DNAJC15: variants seen among roughly 807,000 people sequenced by gnomAD.
DNAJC15 encodes the protein DnaJ heat shock protein family (Hsp40) member C15.
Under a neutral mutation model 22.4 loss-of-function variants are expected in DNAJC15, and 27 were observed. The observed-to-expected ratio is 1.20, with a 90% CI of 0.89 to 1.66. The LOEUF (loss-of-function observed/expected upper bound fraction) is 1.66, where lower values mean the gene tolerates loss of function less well. Among genes scored for constraint, DNAJC15 ranks in the 40% most tolerant of loss-of-function variants. DNAJC15 has a pLI of 0.00. For missense variants in DNAJC15, 208 were observed against 187.1 expected (o/e 1.11, Z -0.65); for synonymous variants, 79 against 63.2 (o/e 1.25, Z -1.19).
chr13:43,024,985 C>A (rs1049622410), intron 1 of DNAJC15, among the ~76,000 whole-genome samples: 1 of 150,432 alleles, frequency 6.6e-6, no homozygotes, highest in African/African-American at 2.4e-5. Flanking sequence ...CACTTGAGCC[C>A]AGGAGTTGAG....
At chr13:43,042,523 G>T (rs1366409564) in intron 1 of DNAJC15, among the ~76,000 whole-genome samples, 3 of 152,146 alleles carry the variant, frequency 2.0e-5, no homozygotes, top group African/African-American at 7.2e-5. Flanking sequence ...AACTAGGATG[G>T]GGGGATATGA....
At chr13:43,043,415 G>C (rs528877396) in intron 1 of DNAJC15, among the ~76,000 whole-genome samples, 60 of 152,198 alleles carry the variant, frequency 3.9e-4, no homozygotes, top group Non-Finnish European at 7.1e-4. Context: ...GACCTCAAAA[G>C]CTTCTTATAT....
intron 1 of DNAJC15, among the ~76,000 whole-genome samples, chr13:43,063,925 C>T (rs551352470): frequency 1.3e-5 from 2 of 152,302 alleles, no homozygotes; most frequent in East Asian, 1.9e-4. Flanking sequence ...ACCAGGGAAG[C>T]GCTAGAAAAT....
At chr13:43,104,083 A>G (rs1016243792) in intron 5 of DNAJC15, among the ~76,000 whole-genome samples, 7 of 152,216 alleles carry the variant, frequency 4.6e-5, no homozygotes, top group Admixed American at 4.6e-4. Flanking sequence ...AAATGCACCC[A>G]TTTAAACGCA....
chr13:43,104,681 T>C (rs984371838), intron 5 of DNAJC15, among the ~76,000 whole-genome samples: 1 of 145,236 alleles, frequency 6.9e-6, no homozygotes, highest in African/African-American at 2.5e-5. Flanking sequence ...TCTTTTTCTT[T>C]TCTTTTCTTT....
intron 1 of DNAJC15, among the ~76,000 whole-genome samples, chr13:43,063,297 A>G (rs2040568062): frequency 6.6e-6 from 1 of 152,270 alleles, no homozygotes; most frequent in African/African-American, 2.4e-5. Context: ...GGCGTGAGCC[A>G]CCGCGTCCAG....
At chr13:43,100,812 T>C (rs1247636147) in intron 5 of DNAJC15, among the ~76,000 whole-genome samples, 1 of 152,330 alleles carries the variant, frequency 6.6e-6, no homozygotes, top group East Asian at 1.9e-4. Flanking sequence ...TCTGTTTCCT[T>C]GTTGGTCTTT....
At chr13:43,056,183 C>T (rs1157089649) in intron 1 of DNAJC15, among the ~76,000 whole-genome samples, 2 of 149,616 alleles carry the variant, frequency 1.3e-5, no homozygotes, top group African/African-American at 2.5e-5. Context: ...AGGAGTTTCG[C>T]TCTTGTTGCC....
chr13:43,058,618 T>A (rs1399218992), intron 1 of DNAJC15, among the ~76,000 whole-genome samples: 2 of 152,174 alleles, frequency 1.3e-5, no homozygotes, highest in Non-Finnish European at 2.9e-5. Flanking sequence ...CACTTCCTGT[T>A]TGAACCTCTC....
intron 5 of DNAJC15, among the ~76,000 whole-genome samples, chr13:43,092,474 A>G (rs2040719600): frequency 6.6e-6 from 1 of 150,732 alleles, no homozygotes; most frequent in African/African-American, 2.4e-5. Context: ...GTTTACTGGT[A>G]TTTGAATATA....
At chr13:43,087,646 A>C (rs2040695663) in intron 5 of DNAJC15, among the ~76,000 whole-genome samples, 1 of 152,180 alleles carries the variant, frequency 6.6e-6, no homozygotes, top group African/African-American at 2.4e-5. Context: ...TCTCATTTCC[A>C]GTGCTTCCGA....
intron 1 of DNAJC15, among the ~76,000 whole-genome samples, chr13:43,060,456 C>A (rs973542848): frequency 5.9e-5 from 9 of 152,116 alleles, no homozygotes; most frequent in African/African-American, 2.2e-4. Flanking sequence ...TCCAGGACAT[C>A]CAATCAGAGA....
At chr13:43,070,192 A>G (rs1471711140) in intron 3 of DNAJC15, among the ~76,000 whole-genome samples, 4 of 152,230 alleles carry the variant, frequency 2.6e-5, no homozygotes, top group African/African-American at 4.8e-5. Context: ...AAAGGATGAC[A>G]TACTGACAAA....
intron 1 of DNAJC15, among the ~76,000 whole-genome samples, chr13:43,046,584 A>G (rs995630808): frequency 1.3e-5 from 2 of 152,176 alleles, no homozygotes; most frequent in African/African-American, 4.8e-5. Context: ...AAATAGTCAA[A>G]TCATATATCG....
chr13:43,044,064 C>A (rs1289433268), intron 1 of DNAJC15, among the ~76,000 whole-genome samples: 2 of 152,186 alleles, frequency 1.3e-5, no homozygotes, highest in African/African-American at 4.8e-5. Flanking sequence ...TTATTCTAAT[C>A]TGCATGTATA....
At chr13:43,056,520 A>G (rs2040532265) in intron 1 of DNAJC15, among the ~76,000 whole-genome samples, 2 of 152,212 alleles carry the variant, frequency 1.3e-5, no homozygotes, top group Non-Finnish European at 2.9e-5. Context: ...AGAATGTTCT[A>G]TAAATATCTG....
chr13:43,036,202 G>A (rs2040428088), intron 1 of DNAJC15, among the ~76,000 whole-genome samples: 1 of 124,106 alleles, frequency 8.1e-6, no homozygotes, highest in Admixed American at 9.5e-5. Context: ...GGGTCTCACT[G>A]TCATCCAGGC....
intron 1 of DNAJC15, among the ~76,000 whole-genome samples, chr13:43,060,970 G>A (rs554323954): frequency 6.6e-6 from 1 of 152,304 alleles, no homozygotes; most frequent in South Asian, 2.1e-4. Context: ...CTGGGCAGGG[G>A]CAAATCCCTG....
intron 5 of DNAJC15, among the ~76,000 whole-genome samples, chr13:43,101,862 T>G (rs917213880): frequency 6.6e-6 from 1 of 152,204 alleles, no homozygotes; most frequent in African/African-American, 2.4e-5. Context: ...GGTTCCATAT[T>G]TTTACAATTG....
Sources: gnomAD v4.1 joint callset for allele counts (sites outside exome capture counted in the v4.1 genomes callset) on GRCh38, gnomAD v4.1.1 for gene constraint, MANE v1.5 for transcripts, NCBI Gene and HGNC (gene_info 2026-07-23, HGNC 2026-07-21) for gene names.